Variants in THADA observed in about 807,000 individuals in gnomAD.
The protein encoded by THADA is THADA armadillo repeat containing.
THADA carries 213 observed loss-of-function variants against 219.8 expected under a neutral mutation model. That is an observed-to-expected ratio of 0.97 (90% CI 0.87 to 1.09). The LOEUF (loss-of-function observed/expected upper bound fraction) is 1.09, where lower values mean the gene tolerates loss of function less well. THADA is among the 50% of genes least tolerant of loss of function. The pLI is 0.00. For synonymous variants in THADA, 1,018 were observed against 828.9 expected (o/e 1.23, Z -3.92); for missense variants, 2,956 against 2,311.3 (o/e 1.28, Z -5.72).
chr2:43,478,518 A>T (rs1228794135), intron 26 of THADA, among the ~76,000 whole-genome samples: 2 of 152,206 alleles, frequency 1.3e-5, no homozygotes, highest in African/African-American at 4.8e-5. Context: ...CTGGTATTAC[A>T]TTATATTAGT....
rs140751989 is a variant in THADA, at chr2:43,355,597, C to T, written c.4228-11360G>A. 2.6e-4 allele frequency among the ~76,000 whole-genome samples: 40 copies of T among 152,220 alleles called. No homozygotes were observed. In the East Asian group the frequency reaches 6.7e-3, roughly 26 times the overall value. ...TGCCAAGGCCAACGTCAAGGTTTCC[C>T]CTGTGTTTTCTTCTTAGAGTTTTGT... On this transcript the variant is annotated intron_variant, in intron 29 of 37. Coordinates refer to ENST00000405975, the MANE Select transcript of THADA (RefSeq NM_022065.5).
chr2:43,493,440 A>G (rs1687900695), intron 25 of THADA, among the ~76,000 whole-genome samples: 1 of 152,188 alleles, frequency 6.6e-6, no homozygotes, highest in African/African-American at 2.4e-5. Context: ...GGTTGCAGTG[A>G]GATGAGATTA....
intron 26 of THADA, among the ~76,000 whole-genome samples, chr2:43,450,618 A>C (rs1682194180): frequency 6.6e-6 from 1 of 152,228 alleles, no homozygotes; most frequent in African/African-American, 2.4e-5. Context: ...TTACACAAGT[A>C]AGTCTCTCAT....
At chr2:43,356,896 T>C (rs1172736491) in intron 29 of THADA, among the ~76,000 whole-genome samples, 2 of 152,236 alleles carry the variant, frequency 1.3e-5, no homozygotes, top group African/African-American at 2.4e-5. Context: ...TTGTTCCACA[T>C]GGATTTTCTC....
chr2:43,379,986 C>T (rs949986604), intron 29 of THADA, among the ~76,000 whole-genome samples: 1 of 152,146 alleles, frequency 6.6e-6, no homozygotes, highest in Non-Finnish European at 1.5e-5. Context: ...AAGGGCAAAA[C>T]CACTGGATGG....
intron 26 of THADA, among the ~76,000 whole-genome samples, chr2:43,447,203 C>G (rs1186834519): frequency 6.6e-6 from 1 of 152,078 alleles, no homozygotes; most frequent in African/African-American, 2.4e-5. Flanking sequence ...TCAATTACCT[C>G]CCACCAGTTC....
At chr2:43,460,404 T>A (rs891972409) in intron 26 of THADA, among the ~76,000 whole-genome samples, 1 of 152,032 alleles carries the variant, frequency 6.6e-6, no homozygotes, top group African/African-American at 2.4e-5. Flanking sequence ...ATGCAAAGAT[T>A]TGGAAAATAC....
chr2:43,450,247 A>T (rs952754822), intron 26 of THADA, among the ~76,000 whole-genome samples: 1 of 152,212 alleles, frequency 6.6e-6, no homozygotes, highest in Admixed American at 6.5e-5. Flanking sequence ...TTATAACTTC[A>T]TACTTTGTTT....
At chr2:43,446,814 A>G (rs1254566570) in intron 26 of THADA, among the ~76,000 whole-genome samples, 1 of 152,216 alleles carries the variant, frequency 6.6e-6, no homozygotes, top group Non-Finnish European at 1.5e-5. Flanking sequence ...TACCTTTACT[A>G]TATTGATTCT....
At chr2:43,348,320 T>C (rs1460864248) in intron 29 of THADA, among the ~76,000 whole-genome samples, 2 of 152,212 alleles carry the variant, frequency 1.3e-5, no homozygotes, top group Admixed American at 6.5e-5. Context: ...ACTATTACTA[T>C]TGCCTGTTAC....
chr2:43,559,597 C>T (rs1697814074), intron 16 of THADA, among the ~76,000 whole-genome samples: 1 of 152,200 alleles, frequency 6.6e-6, no homozygotes, highest in African/African-American at 2.4e-5. Context: ...GAGCCAGGGT[C>T]TGGAAGTCCC....
Position 43,556,356 on chromosome 2 carries a change from T to C in THADA, c.2663A>G (p.Asn888Ser), listed in dbSNP as rs760381683. The C allele has an allele frequency of 2.7e-5, 44 of 1,613,680 alleles. No individual in the cohort carries two copies. The highest frequency in any genetic ancestry group is 3.7e-5 in the Non-Finnish European group (44 of 1,179,810). Residue 888 changes from asparagine (N) to serine (S), a missense_variant, in exon 17 of 38, where the codon AAC (asparagine) becomes AGC (serine). Transcript: ENST00000405975. ...ACATCAATACAAACCCATTAATGTG[T>C]TCCTTTCCACCACAGCAGCAGGCCT... The part of the protein sequence containing the change: ...GDRPAAVVER[N>S]TLMVIKCLME...
At chr2:43,455,890 C>A (rs965192912) in intron 26 of THADA, among the ~76,000 whole-genome samples, 1 of 152,226 alleles carries the variant, frequency 6.6e-6, no homozygotes, top group African/African-American at 2.4e-5. Context: ...CTTTTACATT[C>A]TGTTCCTTAT....
intron 6 of THADA, 125 bp downstream of exon 6, chr2:43,586,577 G>A: frequency 7.7e-7 from 1 of 1,303,998 alleles, no homozygotes; most frequent in Non-Finnish European, 1.0e-6. Context: ...TTAAAAGGAA[G>A]GGTCATGATG....
At chr2:43,381,830 C>T (rs1672068860) in intron 29 of THADA, among the ~76,000 whole-genome samples, 1 of 152,136 alleles carries the variant, frequency 6.6e-6, no homozygotes, top group Non-Finnish European at 1.5e-5. Flanking sequence ...AGTGATCTGC[C>T]TGCCTCGGCC....
intron 29 of THADA, among the ~76,000 whole-genome samples, chr2:43,353,877 G>C (rs1290735477): frequency 1.3e-5 from 2 of 151,046 alleles, no homozygotes; most frequent in East Asian, 3.9e-4. Context: ...GAGTGCAGTG[G>C]TGCGTTCTTG....
intron 20 of THADA, among the ~76,000 whole-genome samples, chr2:43,542,165 C>T (rs182528075): frequency 1.1e-3 from 167 of 152,002 alleles, no homozygotes; most frequent in Admixed American, 9.0e-3. Context: ...TAAAAGAGCA[C>T]GCTGACAAAA....
intron 14 of THADA, among the ~76,000 whole-genome samples, chr2:43,569,475 T>C (rs188539513): frequency 3.0e-4 from 46 of 152,332 alleles, no homozygotes; most frequent in Non-Finnish European, 5.7e-4. Flanking sequence ...AGTGGCAGAA[T>C]CAGGAGTAAA....
intron 4 of THADA, among the ~76,000 whole-genome samples, chr2:43,589,396 T>C (rs1701321853): frequency 6.6e-6 from 1 of 152,192 alleles, no homozygotes; most frequent in Admixed American, 6.5e-5. Flanking sequence ...AATATTACAC[T>C]AATATGAGGT....
Sources: allele counts gnomAD v4.1 joint callset (sites outside exome capture counted in the v4.1 genomes callset), GRCh38; gene constraint gnomAD v4.1.1; transcripts MANE v1.5; gene names NCBI Gene and HGNC (gene_info 2026-07-23, HGNC 2026-07-21).